The following JAKMIP2 variants were observed in gnomAD, a reference collection of about 807,000 sequenced individuals.
JAKMIP2 encodes janus kinase and microtubule-interacting protein 2.
Under a neutral mutation model 115.0 loss-of-function variants are expected in JAKMIP2, and 25 were observed. The ratio of observed to expected loss-of-function variants is 0.22; its 90% CI spans 0.16 to 0.30. The LOEUF (loss-of-function observed/expected upper bound fraction) is 0.30. Among genes scored for constraint, JAKMIP2 ranks in the 10% least tolerant of loss-of-function variants. JAKMIP2 has a pLI of 1.00. For synonymous variants in JAKMIP2, 334 were observed against 343.6 expected, an observed-to-expected ratio of 0.97 and a Z score of 0.31; for missense variants, 642 against 957.6, an observed-to-expected ratio of 0.67 and a Z score of 4.35.
In JAKMIP2 at chr5:147,591,706, A is replaced by T. The variant is rs1755100495; in HGVS notation, c.*21-20T>A. The T allele has an allele frequency of 6.8e-7, 1 of 1,467,506 alleles. No homozygotes were observed. The highest frequency in any genetic ancestry group is 1.4e-5 in the African/African-American group (1 of 71,384). 90.9% of individuals were successfully genotyped at this position (1,467,506 alleles called of 1,614,324 possible). ...GTTACTCTGCAAAACAGAGGAAAAA[A>T]ATTATTTATATATCAATTTTGTTAA... On this transcript the variant is annotated intron_variant, in intron 21 of 21. Transcript: ENST00000616793.
At chr5:147,699,947 T>C (rs1288381926) in intron 1 of JAKMIP2, among the ~76,000 whole-genome samples, 1 of 152,232 alleles carries the variant, frequency 6.6e-6, no homozygotes, top group Non-Finnish European at 1.5e-5. Flanking sequence ...CCTCACGTCA[T>C]CCTTCATGGT....
At chr5:147,718,748 A>G (rs963726348) in intron 1 of JAKMIP2, among the ~76,000 whole-genome samples, 1 of 151,060 alleles carries the variant, frequency 6.6e-6, no homozygotes, top group Non-Finnish European at 1.5e-5. Context: ...TTTTTTCTTT[A>G]TTAGTCTTGC....
At chr5:147,641,623 C>A in intron 8 of JAKMIP2, 85 bp downstream of exon 8, 2 of 932,540 alleles carry the variant, frequency 2.1e-6, no homozygotes, top group Admixed American at 3.8e-5. Context: ...CCTGATTCAT[C>A]ACATCTTTGT....
At chr5:147,715,232 C>A (rs777156931) in intron 1 of JAKMIP2, among the ~76,000 whole-genome samples, 1 of 151,550 alleles carries the variant, frequency 6.6e-6, no homozygotes, top group African/African-American at 2.4e-5. Flanking sequence ...AATAAAGGAA[C>A]GAGGAAGAAA....
At chr5:147,600,087 G>GTTTTT (rs369043130) in intron 21 of JAKMIP2, among the ~76,000 whole-genome samples, 8 of 67,944 alleles carry the variant, frequency 1.2e-4, no homozygotes, top group African/African-American at 4.3e-4. Flanking sequence ...TTTATTTACT[G>GTTTTT]TTTTTTTTTT....
chr5:147,650,635 CTGAT>C (rs1758350986), intron 3 of JAKMIP2, 88 bp from the exon 4 acceptor site: 2 of 967,716 alleles, frequency 2.1e-6, no homozygotes, highest in Admixed American at 2.5e-5. Context: ...CTTCTTTTAT[CTGAT>C]TGATACAGAA....
chr5:147,781,787 G>A (rs2127100958), intron 1 of JAKMIP2, among the ~76,000 whole-genome samples: 1 of 152,276 alleles, frequency 6.6e-6, no homozygotes, highest in Non-Finnish European at 1.5e-5. Flanking sequence ...AAAAATGGTT[G>A]CAAAGCACAC....
intron 1 of JAKMIP2, among the ~76,000 whole-genome samples, chr5:147,772,874 G>C (rs1755416480): frequency 6.6e-6 from 1 of 151,962 alleles, no homozygotes; most frequent in African/African-American, 2.4e-5. Context: ...TACTTCACCA[G>C]CCTGCTGTGA....
At chr5:147,702,596 GAAAGAAGGAAAGAAA>G (rs1752389243) in intron 1 of JAKMIP2, among the ~76,000 whole-genome samples, 4 of 108,148 alleles carry the variant, frequency 3.7e-5, no homozygotes, top group East Asian at 2.6e-4. Context: ...AAGAAAGAAA[GAAAGAAGGAAAGAAA>G]GAAAGAAAGA....
intron 12 of JAKMIP2, among the ~76,000 whole-genome samples, chr5:147,633,044 C>T (rs867400402): frequency 2.0e-5 from 3 of 152,190 alleles, no homozygotes; most frequent in South Asian, 4.1e-4. Flanking sequence ...AATAGTGAAT[C>T]TGAGAATACT....
At chr5:147,675,291 G>A (rs1236938316) in intron 1 of JAKMIP2, among the ~76,000 whole-genome samples, 1 of 152,058 alleles carries the variant, frequency 6.6e-6, no homozygotes, top group African/African-American at 2.4e-5. Flanking sequence ...AAGCATCACA[G>A]GAAGTTATTG....
chr5:147,690,582 T>C (rs73797150), intron 1 of JAKMIP2, among the ~76,000 whole-genome samples: 26,558 of 102,330 alleles, frequency 0.26, 3,478 homozygotes, highest in African/African-American at 0.4. Flanking sequence ...TATATATATA[T>C]ATGCACATAT....
chr5:147,656,595 G>A lies in JAKMIP2; in HGVS notation c.627+4353C>T, dbSNP rs1367683763. Among the ~76,000 whole-genome samples the A allele has an allele frequency of 3.3e-5, 5 of 152,024 alleles. No individual in the cohort carries two copies. The South Asian group carries it at 6.2e-4, about 19-fold the overall frequency. On this transcript the variant is annotated intron_variant, in intron 3 of 21. Coordinates refer to ENST00000616793, the MANE Select transcript of JAKMIP2 (RefSeq NM_001270941.2). Reference sequence around the variant, plus strand: ...TACATGTGTCTTTGCATGTGAGATGGGTCTCCTGAATACAGCACGCTGATG... The same window carrying A: ...TACATGTGTCTTTGCATGTGAGATGAGTCTCCTGAATACAGCACGCTGATG...
At chr5:147,730,050 A>G (rs1753670086) in intron 1 of JAKMIP2, among the ~76,000 whole-genome samples, 1 of 152,178 alleles carries the variant, frequency 6.6e-6, no homozygotes, top group South Asian at 2.1e-4. Context: ...TTAAATAAAA[A>G]TAATGTAAGC....
chr5:147,672,449 T>C (rs1759659672), intron 1 of JAKMIP2, among the ~76,000 whole-genome samples: 2 of 152,240 alleles, frequency 1.3e-5, no homozygotes, highest in Non-Finnish European at 2.9e-5. Context: ...GAGTCACTCA[T>C]ATATTCATTC....
chr5:147,647,921 G>T (rs1052980214), intron 5 of JAKMIP2, among the ~76,000 whole-genome samples: 3 of 152,076 alleles, frequency 2.0e-5, no homozygotes, highest in African/African-American at 7.2e-5. Flanking sequence ...CAATAACATG[G>T]ATCAGTATAT....
At chr5:147,605,989 GCGTCTGTTCACATCCTTTGCCCACTT>G (rs1755990862) in intron 20 of JAKMIP2, among the ~76,000 whole-genome samples, 1 of 152,108 alleles carries the variant, frequency 6.6e-6, no homozygotes, top group African/African-American at 2.4e-5. Context: ...ATTTTGAAAA[GCGTCTGTTCACATCCTTTGCCCACTT>G]TTTGATGGGG....
At chr5:147,740,035 A>G (rs1400891409) in intron 1 of JAKMIP2, among the ~76,000 whole-genome samples, 1 of 152,234 alleles carries the variant, frequency 6.6e-6, no homozygotes, top group Non-Finnish European at 1.5e-5. Flanking sequence ...GATTATTGGT[A>G]TAAACAGCTC....
intron 1 of JAKMIP2, among the ~76,000 whole-genome samples, chr5:147,780,019 A>C (rs986873600): frequency 4.6e-5 from 7 of 152,194 alleles, no homozygotes; most frequent in Non-Finnish European, 8.8e-5. Context: ...AGCAATAAGC[A>C]ATGTCCTGTG....
Sources: allele counts gnomAD v4.1 joint callset (sites outside exome capture counted in the v4.1 genomes callset), GRCh38; gene constraint gnomAD v4.1.1; transcripts MANE v1.5; gene names NCBI Gene and HGNC (gene_info 2026-07-23, HGNC 2026-07-21).